FCHSD2: variants seen among roughly 807,000 people sequenced by gnomAD.
The protein encoded by FCHSD2 is F-BAR and double SH3 domains protein 2.
In FCHSD2, 38 loss-of-function variants were observed where a neutral mutation model predicts 108.1. The ratio of observed to expected loss-of-function variants is 0.35; its 90% CI spans 0.27 to 0.46. The LOEUF is 0.46. Among genes scored for constraint, FCHSD2 ranks in the 20% least tolerant of loss-of-function variants. The pLI is 1.00. For synonymous variants in FCHSD2, 279 were observed against 314.7 expected (o/e 0.89, Z 1.20); for missense variants, 751 against 897.8 (o/e 0.84, Z 2.09).
intron 3 of FCHSD2, among the ~76,000 whole-genome samples, chr11:73,035,357 G>A (rs981271439): frequency 4.6e-5 from 7 of 151,992 alleles, no homozygotes; most frequent in African/African-American, 9.7e-5. Context: ...TTGTAGAGAC[G>A]GGGGTCTCAT....
At chr11:72,969,070 T>C (rs1393018964) in intron 8 of FCHSD2, among the ~76,000 whole-genome samples, 2 of 152,206 alleles carry the variant, frequency 1.3e-5, no homozygotes, top group Non-Finnish European at 2.9e-5. Context: ...CAATTTAAAA[T>C]AGTATACCTG....
rs1252571682 is a variant in FCHSD2, at chr11:73,083,692, T to C, written c.165+3A>G. The C allele has an allele frequency of 3.2e-6, 5 of 1,541,960 alleles. No individual in the cohort carries two copies. Among genetic ancestry groups the C allele is most frequent in the Admixed American group, 3.9e-5 (2 of 50,952 alleles). ...AGAATGGGACCTCCAATTTCAAGCTTACCTGTGCATACTCTCTTTCAATAG... is the reference window on the plus strand; with the variant it reads ...AGAATGGGACCTCCAATTTCAAGCTCACCTGTGCATACTCTCTTTCAATAG... On this transcript the variant is annotated splice_donor_region_variant and intron_variant, in intron 3 of 19. Transcript: ENST00000409418.
intron 9 of FCHSD2, among the ~76,000 whole-genome samples, chr11:72,907,907 T>A (rs1225207060): frequency 6.6e-6 from 1 of 152,160 alleles, no homozygotes; most frequent in Non-Finnish European, 1.5e-5. Flanking sequence ...TTGTTATTTT[T>A]AAATGTATAA....
At chr11:72,878,993 C>A (rs990691748) in intron 12 of FCHSD2, among the ~76,000 whole-genome samples, 1 of 152,002 alleles carries the variant, frequency 6.6e-6, no homozygotes, top group Non-Finnish European at 1.5e-5. Context: ...ACCTGTAATC[C>A]CAGCTACTTG....
At chr11:72,935,666 C>T (rs1205615490) in intron 8 of FCHSD2, among the ~76,000 whole-genome samples, 1 of 152,156 alleles carries the variant, frequency 6.6e-6, no homozygotes, top group Non-Finnish European at 1.5e-5. Context: ...GCTGTATTTA[C>T]ATTACTGTAA....
intron 8 of FCHSD2, among the ~76,000 whole-genome samples, chr11:72,982,383 T>A (rs771894119): frequency 2.0e-5 from 3 of 152,242 alleles, no homozygotes; most frequent in Non-Finnish European, 2.9e-5. Context: ...ATTTGTAAAT[T>A]AAGCAATTCG....
chr11:72,931,796 A>C (rs1240758168), intron 8 of FCHSD2, among the ~76,000 whole-genome samples: 2 of 152,188 alleles, frequency 1.3e-5, no homozygotes, highest in African/African-American at 2.4e-5. Context: ...TACATCTTGC[A>C]TAACAGTATC....
intron 3 of FCHSD2, among the ~76,000 whole-genome samples, chr11:73,062,525 G>A (rs1452431498): frequency 1.3e-5 from 2 of 152,146 alleles, no homozygotes; most frequent in African/African-American, 2.4e-5. Context: ...CCAATGCAAG[G>A]AAGCTAAGAA....
chr11:72,951,064 G>GA (rs1412200260), intron 8 of FCHSD2, among the ~76,000 whole-genome samples: 1 of 152,238 alleles, frequency 6.6e-6, no homozygotes, highest in Non-Finnish European at 1.5e-5. Context: ...GGCCATGAGA[G>GA]AAAGTGATGG....
chr11:73,065,987 G>C (rs1042758944), intron 3 of FCHSD2, among the ~76,000 whole-genome samples: 10 of 152,102 alleles, frequency 6.6e-5, no homozygotes, highest in African/African-American at 2.4e-4. Context: ...TTTCTTCACA[G>C]AATTGGAAAA....
intron 8 of FCHSD2, among the ~76,000 whole-genome samples, chr11:72,954,710 T>C (rs540891469): frequency 5.9e-5 from 9 of 151,450 alleles, no homozygotes; most frequent in Middle Eastern, 3.2e-3. Flanking sequence ...AGGAGATGAG[T>C]AGTGTACAAA....
At chr11:72,980,150 T>C (rs1857185583) in intron 8 of FCHSD2, among the ~76,000 whole-genome samples, 1 of 152,004 alleles carries the variant, frequency 6.6e-6, no homozygotes, top group Non-Finnish European at 1.5e-5. Context: ...TCTCTGTAAA[T>C]TAGGAAGAAA....
intron 8 of FCHSD2, among the ~76,000 whole-genome samples, chr11:72,927,295 T>C (rs1403137673): frequency 6.6e-6 from 1 of 152,232 alleles, no homozygotes; most frequent in Non-Finnish European, 1.5e-5. Context: ...CCATTCTGTA[T>C]GATACTACAA....
intron 8 of FCHSD2, among the ~76,000 whole-genome samples, chr11:72,975,095 C>T (rs537850121): frequency 9.9e-4 from 151 of 152,162 alleles, no homozygotes; most frequent in Non-Finnish European, 1.9e-3. Flanking sequence ...TGGCTTATTT[C>T]ACTTAACATA....
chr11:72,941,121 A>G (rs971839133), intron 8 of FCHSD2: 9 of 493,546 alleles, frequency 1.8e-5, no homozygotes, highest in African/African-American at 1.9e-5. Flanking sequence ...AATATAAGTA[A>G]AGTTTGTAAA....
chr11:72,941,277 T>C (rs1856412747), intron 8 of FCHSD2, among the ~76,000 whole-genome samples: 1 of 152,142 alleles, frequency 6.6e-6, no homozygotes, highest in Non-Finnish European at 1.5e-5. Context: ...ACAGTAAATA[T>C]TTGTTAAATT....
chr11:72,983,329 G>T (rs1385669771), intron 8 of FCHSD2, among the ~76,000 whole-genome samples: 1 of 151,722 alleles, frequency 6.6e-6, no homozygotes, highest in Non-Finnish European at 1.5e-5. Context: ...AAAGGTGCCA[G>T]GCATGGTAGC....
intron 12 of FCHSD2, among the ~76,000 whole-genome samples, chr11:72,872,194 A>T (rs1027283110): frequency 6.6e-6 from 1 of 151,660 alleles, no homozygotes; most frequent in Non-Finnish European, 1.5e-5. Context: ...AAATCTGCTT[A>T]TTCTTTTCAT....
chr11:72,999,894 C>T (rs1180040974), intron 5 of FCHSD2, among the ~76,000 whole-genome samples: 1 of 151,868 alleles, frequency 6.6e-6, no homozygotes, highest in Admixed American at 6.6e-5. Context: ...CACAAACACA[C>T]ACACACACAC....
Sources: allele counts gnomAD v4.1 joint callset (sites outside exome capture counted in the v4.1 genomes callset), GRCh38; gene constraint gnomAD v4.1.1; transcripts MANE v1.5; gene names NCBI Gene and HGNC (gene_info 2026-07-23, HGNC 2026-07-21).